Variants in TESK2 observed in about 807,000 individuals in gnomAD.
TESK2 encodes the protein dual specificity testis-specific protein kinase 2.
A neutral mutation model predicts 57.1 loss-of-function variants in TESK2; 39 were observed. The observed-to-expected ratio is 0.68, with a 90% CI of 0.53 to 0.89. The LOEUF is 0.89. Among genes scored for constraint, TESK2 ranks in the 40% least tolerant of loss-of-function variants. The pLI is 0.00. For missense variants in TESK2, 646 were observed against 732.1 expected (o/e 0.88, Z 1.36); for synonymous variants, 249 against 267.9 (o/e 0.93, Z 0.69).
At chr1:45,465,631 A>G (rs1338692191) in intron 1 of TESK2, among the ~76,000 whole-genome samples, 2 of 152,222 alleles carry the variant, frequency 1.3e-5, no homozygotes, top group South Asian at 2.1e-4. Flanking sequence ...TGGTATTTGT[A>G]TCTTGGTTCA....
At chr1:45,473,497 T>C (rs1380249248) in intron 1 of TESK2, among the ~76,000 whole-genome samples, 6 of 152,204 alleles carry the variant, frequency 3.9e-5, no homozygotes, top group African/African-American at 1.2e-4. Context: ...AAGTAGTATA[T>C]GGTATGAAGA....
intron 4 of TESK2, among the ~76,000 whole-genome samples, chr1:45,372,104 C>T (rs1216331269): frequency 6.6e-6 from 1 of 151,340 alleles, no homozygotes; most frequent in African/African-American, 2.4e-5. Context: ...AAAAATTAGC[C>T]AGATGTGGTG....
chr1:45,449,858 G>A (rs1313509167), intron 2 of TESK2, among the ~76,000 whole-genome samples: 1 of 152,072 alleles, frequency 6.6e-6, no homozygotes, highest in African/African-American at 2.4e-5. Context: ...ATAGTTAATT[G>A]TCTAAATACA....
chr1:45,398,945 C>G, intron 3 of TESK2: 1 of 430,230 alleles, frequency 2.3e-6, no homozygotes, highest in Non-Finnish European at 4.5e-6. Context: ...AATGAGCTCT[C>G]CTTCCACCTC....
chr1:45,358,248 G>A (rs1171823914), intron 4 of TESK2, among the ~76,000 whole-genome samples: 1 of 151,704 alleles, frequency 6.6e-6, no homozygotes, highest in East Asian at 1.9e-4. Flanking sequence ...AGGAGGCGGA[G>A]CTTGCAGTGA....
At chr1:45,426,462 G>T (rs1031551193) in intron 2 of TESK2, among the ~76,000 whole-genome samples, 1 of 152,146 alleles carries the variant, frequency 6.6e-6, no homozygotes, top group African/African-American at 2.4e-5. Context: ...AATCAAAATG[G>T]ATTAAAGATT....
intron 3 of TESK2, chr1:45,415,118 A>G: frequency 6.8e-7 from 1 of 1,470,330 alleles, no homozygotes; most frequent in Non-Finnish European, 9.5e-7. Flanking sequence ...TTCCAAAGAC[A>G]ACAGAAAACT....
intron 2 of TESK2, 122 bp from the exon 3 acceptor site, chr1:45,421,968 AATTAC>A (rs1405305081): frequency 5.2e-6 from 5 of 957,912 alleles, no homozygotes; most frequent in South Asian, 1.6e-5. Flanking sequence ...ATATACATCT[AATTAC>A]ATTAAAGTAT....
At chr1:45,432,914 C>A (rs969130915) in intron 2 of TESK2, among the ~76,000 whole-genome samples, 1 of 150,528 alleles carries the variant, frequency 6.6e-6, no homozygotes, top group Non-Finnish European at 1.5e-5. Flanking sequence ...CAGGCACATG[C>A]CGCCACACCC....
chr1:45,435,893 GAA>G (rs989848108), intron 2 of TESK2, among the ~76,000 whole-genome samples: 6 of 151,732 alleles, frequency 4.0e-5, no homozygotes, highest in Non-Finnish European at 8.8e-5. Flanking sequence ...ATTTATTCAA[GAA>G]AGTGTCTTGT....
At chr1:45,441,925 T>C (rs1204530394) in intron 2 of TESK2, among the ~76,000 whole-genome samples, 1 of 151,790 alleles carries the variant, frequency 6.6e-6, no homozygotes, top group African/African-American at 2.4e-5. Context: ...CCCAGCAAAA[T>C]TGTTTTTGTT....
chr1:45,357,341 T>G (rs1352201032), intron 4 of TESK2, among the ~76,000 whole-genome samples: 1 of 151,758 alleles, frequency 6.6e-6, no homozygotes, highest in African/African-American at 2.4e-5. Context: ...TCAAAAGCCA[T>G]GAATGAGGAA....
chr1:45,445,037 G>A (rs1651593179), intron 2 of TESK2, among the ~76,000 whole-genome samples: 1 of 152,226 alleles, frequency 6.6e-6, no homozygotes, highest in East Asian at 1.9e-4. Flanking sequence ...CCTAAGACTG[G>A]TGTTTGAGTA....
rs1272578862 is a variant in TESK2 at position 45,490,947 on chromosome 1, T to C, written c.-182A>G. On this transcript the variant is annotated 5_prime_UTR_variant, in exon 1 of 11. Coordinates refer to ENST00000372086, the MANE Select transcript of TESK2 (RefSeq NM_007170.3). ...CATAGTAACCCTCACAGCTCGTTGG[T>C]GGCAGCGGCTCCTTAGCCTGCGGAG... The C allele has an allele frequency of 6.6e-6, 1 of 152,420 alleles. No individual in the cohort carries two copies. The highest frequency in any genetic ancestry group is 3.4e-3 in the Middle Eastern group (1 of 294). The allele number at this position is 152,420 out of a possible 1,614,324, so 9.4% of individuals were successfully genotyped here.
chr1:45,429,669 T>C (rs1019677481), intron 2 of TESK2, among the ~76,000 whole-genome samples: 1 of 152,278 alleles, frequency 6.6e-6, no homozygotes, highest in South Asian at 2.1e-4. Flanking sequence ...GTGCTAAAGT[T>C]CTACTAAGTT....
intron 3 of TESK2, among the ~76,000 whole-genome samples, chr1:45,389,367 C>T (rs1426283518): frequency 6.6e-6 from 1 of 152,118 alleles, no homozygotes; most frequent in Non-Finnish European, 1.5e-5. Context: ...GAGCTGAGAT[C>T]ATGCCACTGT....
In TESK2 at chr1:45,346,697, C is replaced by G; in HGVS notation, c.875G>C (p.Cys292Ser). 1 of 1,613,220 alleles carries G rather than the reference C, an allele frequency of 6.2e-7. No homozygotes were observed. Among genetic ancestry groups the G allele is most frequent in the South Asian group, 1.1e-5 (1 of 90,732 alleles). The part of the protein sequence containing the change: ...PDFLQLTFNC[C>S]NMDPKLRPSF... ...CAGAGGGAGAAAGACACTCACGTTACAGCAGTTGAAAGTAAGTTGCAGAAA... is the reference window on the plus strand; with the variant it reads ...CAGAGGGAGAAAGACACTCACGTTAGAGCAGTTGAAAGTAAGTTGCAGAAA... Residue 292 changes from cysteine to serine, a missense_variant, in exon 9 of 11, where the codon TGT (cysteine) becomes TCT (serine). Coordinates refer to ENST00000372086, the MANE Select transcript of TESK2 (RefSeq NM_007170.3).
chr1:45,378,669 C>G (rs909610404), intron 4 of TESK2, among the ~76,000 whole-genome samples: 1 of 152,148 alleles, frequency 6.6e-6, no homozygotes, highest in African/African-American at 2.4e-5. Context: ...CACAAGCAAA[C>G]TAAAATTAGA....
At chr1:45,358,639 CTT>C (rs199950733) in intron 4 of TESK2, among the ~76,000 whole-genome samples, 1 of 146,582 alleles carries the variant, frequency 6.8e-6, no homozygotes, top group Admixed American at 6.9e-5. Context: ...ACTTTTTTTC[CTT>C]TTTTTTTTCA....
Sources: gnomAD v4.1 joint callset for allele counts (sites outside exome capture counted in the v4.1 genomes callset) on GRCh38, gnomAD v4.1.1 for gene constraint, MANE v1.5 for transcripts, NCBI Gene and HGNC (gene_info 2026-07-23, HGNC 2026-07-21) for gene names.